ERICH1: variants seen among roughly 807,000 people sequenced by gnomAD.
ERICH1 encodes glutamate-rich protein 1.
ERICH1 carries 56 observed loss-of-function variants against 39.6 expected under a neutral mutation model. The observed-to-expected ratio is 1.41, with a 90% CI of 1.14 to 1.77. The LOEUF is 1.77. ERICH1 is among the 40% of genes most tolerant of loss of function. The pLI is 0.00. For missense variants in ERICH1, 826 were observed against 575.4 expected (o/e 1.44, Z -4.45); for synonymous variants, 313 against 223.6 (o/e 1.40, Z -3.57).
At chr8:678,340 G>A (rs1308623062) in intron 3 of ERICH1, among the ~76,000 whole-genome samples, 1 of 152,136 alleles carries the variant, frequency 6.6e-6, no homozygotes, top group Non-Finnish European at 1.5e-5. Flanking sequence ...TGTTAAGAAG[G>A]TAATGAAAGG....
chr8:678,415 A>G (rs1036361168), intron 3 of ERICH1, among the ~76,000 whole-genome samples: 3 of 152,228 alleles, frequency 2.0e-5, no homozygotes, highest in Non-Finnish European at 4.4e-5. Flanking sequence ...GAAAAGTACA[A>G]TTTAGCCAAT....
intron 3 of ERICH1, among the ~76,000 whole-genome samples, chr8:682,285 G>C (rs560280690): frequency 6.6e-6 from 1 of 152,272 alleles, no homozygotes; most frequent in Non-Finnish European, 1.5e-5. Flanking sequence ...GCTTTAGTGA[G>C]GAACACAAGA....
intron 3 of ERICH1, among the ~76,000 whole-genome samples, chr8:658,458 C>T (rs1800950884): frequency 1.3e-5 from 2 of 152,328 alleles, no homozygotes; most frequent in South Asian, 2.1e-4. Context: ...ACACCTGGCA[C>T]TGTGGGCCAA....
At chr8:625,409 T>G (rs531236002) in intron 3 of ERICH1, among the ~76,000 whole-genome samples, 1 of 152,140 alleles carries the variant, frequency 6.6e-6, no homozygotes, top group Admixed American at 6.5e-5. Context: ...ACAGGACACG[T>G]CCACAGAAGT....
chr8:706,293 A>G (rs2132252802), intron 2 of ERICH1, among the ~76,000 whole-genome samples: 1 of 152,366 alleles, frequency 6.6e-6, no homozygotes, highest in East Asian at 1.9e-4. Context: ...ACCGCAGGAT[A>G]CAAGGTCAAT....
chr8:622,778 C>A (rs758706881), intron 3 of ERICH1, among the ~76,000 whole-genome samples: 47 of 151,956 alleles, frequency 3.1e-4, no homozygotes, highest in Middle Eastern at 6.8e-3. Context: ...CATAGTGAGA[C>A]CGTGTCTCTA....
chr8:699,230 A>G (rs545360971), intron 2 of ERICH1, among the ~76,000 whole-genome samples: 6 of 152,134 alleles, frequency 3.9e-5, no homozygotes, highest in African/African-American at 1.2e-4. Context: ...GGTTATCATC[A>G]GGAACGAAAG....
intron 2 of ERICH1, among the ~76,000 whole-genome samples, chr8:708,682 T>TTTTTTTTTG (rs1813930624): frequency 3.6e-5 from 1 of 27,912 alleles, no homozygotes; most frequent in African/African-American, 1.3e-4. Context: ...GGATAATGAG[T>TTTTTTTTTG]TTTTTTTTTT....
At position 729,930 on chromosome 8, in the gene ERICH1, A is replaced by C. The variant is rs539845266; in HGVS notation, c.22+1210T>G. 6.6e-5 allele frequency among the ~76,000 whole-genome samples: 10 copies of C among 152,232 alleles called. No individual in the cohort carries two copies. In the South Asian group the frequency reaches 2.1e-3, roughly 32 times the overall value. ...AACATTTGAAGGAATGTAAGAGAAGAGTGTGTTGTGGTTTAAAACAAGGAG... is the reference window on the plus strand; with the variant it reads ...AACATTTGAAGGAATGTAAGAGAAGCGTGTGTTGTGGTTTAAAACAAGGAG... On this transcript the variant is annotated intron_variant, in intron 1 of 5. Coordinates refer to ENST00000262109, the MANE Select transcript of ERICH1 (RefSeq NM_207332.3).
chr8:660,756 A>G (rs1381009556), downstream of ERICH1, among the ~76,000 whole-genome samples: 1 of 152,236 alleles, frequency 6.6e-6, no homozygotes, highest in Non-Finnish European at 1.5e-5. Context: ...GCTGGGACAC[A>G]GCCTGCCTGG....
chr8:722,119 T>G (rs1817465382), intron 1 of ERICH1, among the ~76,000 whole-genome samples: 1 of 151,600 alleles, frequency 6.6e-6, no homozygotes, highest in African/African-American at 2.4e-5. Flanking sequence ...CTCATCAACG[T>G]GCTCCCCTTC....
At chr8:672,816 T>C (rs1177414450) in intron 4 of ERICH1, among the ~76,000 whole-genome samples, 2 of 152,278 alleles carry the variant, frequency 1.3e-5, no homozygotes, top group Non-Finnish European at 2.9e-5. Context: ...CCGTTCTATG[T>C]GGAAGAGAAA....
intron 3 of ERICH1, among the ~76,000 whole-genome samples, chr8:627,498 T>C (rs565020875): frequency 8.5e-5 from 13 of 152,328 alleles, no homozygotes; most frequent in Non-Finnish European, 1.5e-4. Context: ...GTACTACATA[T>C]GACCGCCATC....
intron 3 of ERICH1, among the ~76,000 whole-genome samples, chr8:657,881 G>A (rs1262203004): frequency 6.6e-6 from 1 of 152,166 alleles, no homozygotes; most frequent in Non-Finnish European, 1.5e-5. Flanking sequence ...CACGAGCACT[G>A]CCTTCAACCC....
intron 4 of ERICH1, 111 bp from the exon 5 acceptor site, chr8:668,903 T>A (rs1384357137): frequency 1.2e-5 from 11 of 943,710 alleles, no homozygotes; most frequent in Non-Finnish European, 1.7e-5. Flanking sequence ...CCACACAGAA[T>A]GACATATCTG....
In ERICH1 at chr8:713,717, C is replaced by T. The variant is rs187632862; in HGVS notation, c.169+2144G>A. Among the ~76,000 whole-genome samples the T allele has an allele frequency of 1.2e-4, 18 of 152,146 alleles. No individual in the cohort carries two copies. In the East Asian group the frequency reaches 2.7e-3, roughly 23 times the overall value. On this transcript the variant is annotated intron_variant, in intron 2 of 5. Transcript: ENST00000262109. ...GGCTGGAAGGTGATTTGTGGGATGA[C>T]GAGGACCTGCCTGCTGAGATCCTGG... is the stretch of plus-strand genomic sequence containing the variant.
In ERICH1 at chr8:670,193, T is replaced by C. The variant is rs112992031; in HGVS notation, c.1064-1401A>G. Among the ~76,000 whole-genome samples, 400 of 152,338 alleles carry C rather than the reference T, an allele frequency of 2.6e-3. 4 individuals carry two copies. Among genetic ancestry groups the C allele is most frequent in the African/African-American group, 9.0e-3 (373 of 41,582 alleles). The stretch of plus-strand genomic sequence containing the variant: ...TGAGGCCTGAATTTTAGTTACTATA[T>C]TTCTCAGGCCTAAAATTTCCATTTG... On this transcript the variant is annotated intron_variant, in intron 4 of 5. Coordinates refer to ENST00000262109, the MANE Select transcript of ERICH1 (RefSeq NM_207332.3).
intron 3 of ERICH1, among the ~76,000 whole-genome samples, chr8:677,006 A>G (rs533918684): frequency 3.3e-5 from 5 of 152,284 alleles, no homozygotes; most frequent in African/African-American, 1.2e-4. Context: ...CTCTTCCACA[A>G]TGAAGCTCTT....
At chr8:709,015 T>C (rs974136262) in intron 2 of ERICH1, among the ~76,000 whole-genome samples, 5 of 152,038 alleles carry the variant, frequency 3.3e-5, no homozygotes, top group Non-Finnish European at 7.4e-5. Context: ...TTTGGTGTGG[T>C]AAGAATATTC....
Sources: allele counts gnomAD v4.1 joint callset (sites outside exome capture counted in the v4.1 genomes callset), GRCh38; gene constraint gnomAD v4.1.1; transcripts MANE v1.5; gene names NCBI Gene and HGNC (gene_info 2026-07-23, HGNC 2026-07-21).